Variants in ANKRD11 observed in about 807,000 individuals in gnomAD.
ANKRD11 encodes ankyrin repeat domain 11, also known as ankyrin repeat domain-containing protein 11.
ANKRD11 carries 17 observed loss-of-function variants against 195.7 expected under a neutral mutation model. The ratio of observed to expected loss-of-function variants is 0.09; its 90% confidence interval spans 0.06 to 0.13. The LOEUF is 0.13. Ranked by LOEUF, ANKRD11 falls within the 10% of genes least tolerant of loss-of-function variation. The probability of loss-of-function intolerance (pLI) is 1.00; values close to 1 mark genes in which losing one functional copy is unlikely to be tolerated. For missense variants in ANKRD11, 3,735 were observed against 3,566.1 expected, an observed-to-expected ratio of 1.05 and a Z score of -1.21; for synonymous variants, 1,953 against 1,528.1, an observed-to-expected ratio of 1.28 and a Z score of -6.49.
At chr16:89,458,580 C>T (rs560916444) in intron 1 of ANKRD11, among the ~76,000 whole-genome samples, 1 of 152,336 alleles carries the variant, frequency 6.6e-6, no homozygotes, top group East Asian at 1.9e-4. Context: ...CTTTGCCACG[C>T]TTTCACTCAT....
At chr16:89,341,017 A>T (rs1233209533) in intron 2 of ANKRD11, among the ~76,000 whole-genome samples, 1 of 152,250 alleles carries the variant, frequency 6.6e-6, no homozygotes, top group Non-Finnish European at 1.5e-5. Context: ...ACACCCAGAA[A>T]GAACATTTTT....
At chr16:89,276,271 G>C (rs1287244797) in intron 9 of ANKRD11, among the ~76,000 whole-genome samples, 1 of 152,214 alleles carries the variant, frequency 6.6e-6, no homozygotes, top group Non-Finnish European at 1.5e-5. Flanking sequence ...CCAGTTAGCG[G>C]ACACAGGAGA....
At chr16:89,451,766 C>T (rs888037852) in intron 1 of ANKRD11, among the ~76,000 whole-genome samples, 13 of 152,008 alleles carry the variant, frequency 8.6e-5, no homozygotes, top group Admixed American at 3.9e-4. Context: ...AATCACTGAA[C>T]GGCATACTTA....
At chr16:89,340,475 A>G (rs1389030967) in intron 2 of ANKRD11, among the ~76,000 whole-genome samples, 2 of 152,178 alleles carry the variant, frequency 1.3e-5, no homozygotes, top group Non-Finnish European at 2.9e-5. Flanking sequence ...GGGTTTCACA[A>G]TGTTGTCCAG....
chr16:89,403,796 G>A (rs1699712683), intron 2 of ANKRD11: 1 of 152,134 alleles, frequency 6.6e-6, no homozygotes, highest in African/African-American at 2.4e-5. Flanking sequence ...AGGCGGGTGT[G>A]GTGACATGCG....
rs574098992 is a variant in ANKRD11, at chr16:89,458,446, G to T, written c.-145+31799C>A. ...TCACCATGTTAGCCAGGATGGTCTC[G>T]ATCTCCTGACCTCGTGATCCGCCCA... On this transcript the variant is annotated intron_variant, in intron 1 of 12. Coordinates refer to ENST00000301030, the MANE Select transcript of ANKRD11 (RefSeq NM_013275.6). 3.9e-4 allele frequency among the ~76,000 whole-genome samples: 60 copies of T among 152,180 alleles called. 1 individual carries two copies. The highest frequency in any genetic ancestry group is 1.4e-3 in the African/African-American group (58 of 41,534).
chr16:89,485,890 C>A (rs1471014912), intron 1 of ANKRD11, among the ~76,000 whole-genome samples: 1 of 152,160 alleles, frequency 6.6e-6, no homozygotes, highest in Non-Finnish European at 1.5e-5. Context: ...GCAGCAGCAG[C>A]AAACCACACT....
In ANKRD11 at chr16:89,284,698, G is replaced by A. The variant is rs115797011; in HGVS notation, c.1844C>T (p.Ala615Val). Residue 615 changes from alanine to valine, a missense_variant, in exon 9 of 13, where the codon GCG (alanine) becomes GTG (valine). By Grantham distance (64) the Ala-to-Val change is moderately conservative. Coordinates refer to ENST00000301030, the MANE Select transcript of ANKRD11 (RefSeq NM_013275.6). ...GTCCAGTTTGGGGACAGCGCCCTCC[G>A]CGCTGGACAGGAAGGGGCTCTTCTT... The part of the protein sequence containing the change: ...SEKKSPFLSS[A>V]EGAVPKLDKE... 289 of 1,613,842 alleles carry A rather than the reference G, an allele frequency of 1.8e-4. 1 individual carries two copies. Among genetic ancestry groups the A allele is most frequent in the South Asian group, 5.4e-4 (49 of 91,070 alleles).
At chr16:89,358,245 G>A (rs2039575029) in intron 2 of ANKRD11, among the ~76,000 whole-genome samples, 2 of 152,244 alleles carry the variant, frequency 1.3e-5, no homozygotes, top group South Asian at 4.1e-4. Flanking sequence ...GGTCCCGCAT[G>A]GAGCTGTGCC....
At chr16:89,459,312 AC>A in intron 1 of ANKRD11, 1 of 165,164 alleles carries the variant, frequency 6.1e-6, no homozygotes, top group Non-Finnish European at 1.3e-5. Flanking sequence ...GAGAATTCAG[AC>A]CCATCTTCAA....
intron 1 of ANKRD11, among the ~76,000 whole-genome samples, chr16:89,444,413 T>C (rs2043683988): frequency 1.4e-5 from 2 of 147,428 alleles, no homozygotes; most frequent in African/African-American, 5.0e-5. Flanking sequence ...ACATTTTCTT[T>C]GGGCTCCAGA....
chr16:89,281,538 T>A lies in ANKRD11; in HGVS notation c.5004A>T (p.Leu1668=). Reference sequence around the variant, plus strand: ...TGGAGTCTGCACCTGATGCTGGGTGTAGCTTATTTTCCGCGGCAGGTGGAA... The same window carrying A: ...TGGAGTCTGCACCTGATGCTGGGTGAAGCTTATTTTCCGCGGCAGGTGGAA... ...TPIPPAAENK[L]HPASGADSKD... The change falls in exon 9 of 13, where the codon CTA becomes CTT. Residue 1668 remains leucine, a synonymous_variant. Coordinates refer to ENST00000301030, the MANE Select transcript of ANKRD11 (RefSeq NM_013275.6). This position sits in a 1 kb window ranked among gnomAD's most constrained non-coding sequence, Gnocchi z 5.5. 9 of 1,614,178 alleles carry A rather than the reference T, an allele frequency of 5.6e-6. No individual in the cohort carries two copies. Among genetic ancestry groups the A allele is most frequent in the Non-Finnish European group, 7.6e-6 (9 of 1,180,032 alleles).
At chr16:89,336,714 T>A (rs2151981116) in intron 2 of ANKRD11, among the ~76,000 whole-genome samples, 1 of 152,314 alleles carries the variant, frequency 6.6e-6, no homozygotes, top group South Asian at 2.1e-4. Flanking sequence ...AAGCACGCCC[T>A]ACAAGGAGTC....
chr16:89,451,440 C>T (rs2044070413), intron 1 of ANKRD11, among the ~76,000 whole-genome samples: 1 of 127,918 alleles, frequency 7.8e-6, no homozygotes, highest in Admixed American at 9.3e-5. Flanking sequence ...GAGACGAAGC[C>T]TCACTCTGAG....
chr16:89,355,234 G>A (rs868589842), intron 2 of ANKRD11, among the ~76,000 whole-genome samples: 2 of 151,640 alleles, frequency 1.3e-5, no homozygotes, highest in Middle Eastern at 3.4e-3. Context: ...CGGAGGGAGG[G>A]CGGAGGGCTC....
At chr16:89,486,153 T>A (rs546176574) in intron 1 of ANKRD11, among the ~76,000 whole-genome samples, 1 of 152,180 alleles carries the variant, frequency 6.6e-6, no homozygotes, top group African/African-American at 2.4e-5. Flanking sequence ...AGCAAACTTG[T>A]AATGAAAACA....
At chr16:89,339,508 GTGGCTCTTTCACAAACCAT>G (rs2038553383) in intron 2 of ANKRD11, among the ~76,000 whole-genome samples, 1 of 152,212 alleles carries the variant, frequency 6.6e-6, no homozygotes. Context: ...AGATATAAAG[GTGGCTCTTTCACAAACCAT>G]TTCGGAAATT....
intron 1 of ANKRD11, among the ~76,000 whole-genome samples, chr16:89,460,349 G>A (rs890007530): frequency 3.3e-5 from 5 of 152,062 alleles, no homozygotes; most frequent in Non-Finnish European, 7.4e-5. Context: ...CCTGAGGTCA[G>A]GAGTTCAAGA....
rs994703276 is a variant in ANKRD11 at position 89,279,413 on chromosome 16, C to A, written c.7129G>T (p.Asp2377Tyr). 3.1e-5 allele frequency: 48 copies of A among 1,536,412 alleles called. No homozygotes were observed. The Admixed American group carries it at 7.6e-4, about 24-fold the overall frequency. ...CGCGGATGCTGGGCCTGGGCGTCGTCGTCCTCGGAGCCGCGGGCCTTGGCC... is the reference window on the plus strand; with the variant it reads ...CGCGGATGCTGGGCCTGGGCGTCGTAGTCCTCGGAGCCGCGGGCCTTGGCC... ...TRAKARGSED[D>Y]DAQAQHPRKR... The change falls in exon 9 of 13, where the codon GAC becomes TAC. Residue 2377 changes from aspartate (D) to tyrosine (Y), a missense_variant. Transcript: ENST00000301030. The surrounding 1 kb of genome is among the most constrained non-coding windows in gnomAD (Gnocchi z 5.6).
Sources: gnomAD v4.1 joint callset for allele counts (sites outside exome capture counted in the v4.1 genomes callset) on GRCh38, gnomAD v4.1.1 for gene constraint, Gnocchi (gnomAD v3.1) non-coding constraint, MANE v1.5 for transcripts, NCBI Gene and HGNC (gene_info 2026-07-23, HGNC 2026-07-21) for gene names.